Variants in DPP10 observed in about 807,000 individuals in gnomAD.
DPP10 encodes the protein inactive dipeptidyl peptidase 10.
A neutral mutation model predicts 120.9 loss-of-function variants in DPP10; 33 were observed. The ratio of observed to expected loss-of-function variants is 0.27; its 90% CI spans 0.21 to 0.37. The LOEUF is 0.37. Ranked by LOEUF, DPP10 falls within the 10% of genes least tolerant of loss-of-function variation. The pLI, the probability that DPP10 is intolerant of heterozygous loss-of-function variation, is 1.00. For synonymous variants in DPP10, 337 were observed against 326.1 expected (o/e 1.03, Z -0.36); for missense variants, 816 against 942.8 (o/e 0.87, Z 1.76).
chr2:114,776,237 C>A (rs1681725187), intron 1 of DPP10, among the ~76,000 whole-genome samples: 1 of 152,144 alleles, frequency 6.6e-6, no homozygotes, highest in African/African-American at 2.4e-5. Flanking sequence ...AGAACACAAA[C>A]AAACCTCCAT....
intron 1 of DPP10, among the ~76,000 whole-genome samples, chr2:114,622,450 A>G (rs912600187): frequency 1.5e-4 from 22 of 148,908 alleles, no homozygotes; most frequent in African/African-American, 4.7e-4. Context: ...AATTGCCTCC[A>G]TGATTGCTAT....
chr2:114,914,325 G>T (rs1030814176), intron 1 of DPP10, among the ~76,000 whole-genome samples: 1 of 152,138 alleles, frequency 6.6e-6, no homozygotes, highest in Non-Finnish European at 1.5e-5. Flanking sequence ...GGCAGATCAC[G>T]TACAAAGGGA....
chr2:115,150,637 T>G (rs2051487608), intron 1 of DPP10, among the ~76,000 whole-genome samples: 1 of 152,232 alleles, frequency 6.6e-6, no homozygotes, highest in South Asian at 2.1e-4. Context: ...TTTGTCTTAT[T>G]CTACTATCAC....
intron 3 of DPP10, among the ~76,000 whole-genome samples, chr2:115,494,086 C>A (rs964469780): frequency 2.0e-5 from 3 of 151,976 alleles, no homozygotes; most frequent in Non-Finnish European, 4.4e-5. Flanking sequence ...GTAGCTGGGA[C>A]TACAGGTGTG....
At chr2:115,320,341 A>G (rs1360775596) in intron 2 of DPP10, among the ~76,000 whole-genome samples, 2 of 152,100 alleles carry the variant, frequency 1.3e-5, no homozygotes, top group Admixed American at 1.3e-4. Context: ...ATTTATTTAC[A>G]TTTAATTTCT....
intron 1 of DPP10, among the ~76,000 whole-genome samples, chr2:115,193,822 C>T (rs554242603): frequency 6.6e-6 from 1 of 152,204 alleles, no homozygotes; most frequent in Admixed American, 6.5e-5. Context: ...GTCTTTTTCC[C>T]TCAATCACCC....
chr2:114,497,755 A>G (rs780391588), intron 1 of DPP10, among the ~76,000 whole-genome samples: 4 of 152,184 alleles, frequency 2.6e-5, no homozygotes, highest in Non-Finnish European at 5.9e-5. Context: ...GGTCTGTTTA[A>G]CAACAAAGGA....
intron 1 of DPP10, among the ~76,000 whole-genome samples, chr2:115,179,783 T>A (rs1380878277): frequency 1.3e-5 from 2 of 152,146 alleles, no homozygotes; most frequent in African/African-American, 4.8e-5. Context: ...CAAGTAGTAA[T>A]GGAATTTAAC....
At chr2:114,452,120 G>T (rs1209318395) in intron 1 of DPP10, among the ~76,000 whole-genome samples, 1 of 151,990 alleles carries the variant, frequency 6.6e-6, no homozygotes, top group Non-Finnish European at 1.5e-5. Flanking sequence ...TTTAATATTT[G>T]AAAATAATAT....
intron 1 of DPP10, among the ~76,000 whole-genome samples, chr2:115,033,274 G>C (rs1179607135): frequency 1.3e-5 from 2 of 152,130 alleles, no homozygotes; most frequent in Non-Finnish European, 2.9e-5. Flanking sequence ...AACACGATGA[G>C]ATAACGCTTT....
chr2:114,716,156 C>T (rs946737070), intron 1 of DPP10, among the ~76,000 whole-genome samples: 31 of 149,896 alleles, frequency 2.1e-4, no homozygotes, highest in African/African-American at 7.3e-4. Context: ...GACATGAATG[C>T]TAGGAAATAT....
At chr2:115,459,698 T>A (rs1574911859) in intron 3 of DPP10, among the ~76,000 whole-genome samples, 1 of 151,910 alleles carries the variant, frequency 6.6e-6, no homozygotes, top group African/African-American at 2.4e-5. Context: ...ATTGTAAACA[T>A]CAAAATTGTG....
intron 1 of DPP10, among the ~76,000 whole-genome samples, chr2:114,513,778 G>A (rs528292603): frequency 7.7e-4 from 117 of 152,200 alleles, no homozygotes; most frequent in African/African-American, 2.4e-3. Context: ...TTAGGTAAAC[G>A]TATTTTTATA....
At chr2:114,985,593 T>A (rs574955140) in intron 1 of DPP10, among the ~76,000 whole-genome samples, 1 of 152,326 alleles carries the variant, frequency 6.6e-6, no homozygotes, top group East Asian at 1.9e-4. Flanking sequence ...TGAATCAGTG[T>A]CCACAAATGA....
intron 1 of DPP10, among the ~76,000 whole-genome samples, chr2:114,713,717 G>A (rs141745951): frequency 6.6e-6 from 1 of 152,034 alleles, no homozygotes; most frequent in African/African-American, 2.4e-5. Context: ...TTGGCTGGGC[G>A]CAGTGGCTCA....
intron 17 of DPP10, among the ~76,000 whole-genome samples, chr2:115,782,737 T>A (rs1559147851): frequency 6.6e-6 from 1 of 152,128 alleles, no homozygotes; most frequent in South Asian, 2.1e-4. Context: ...CATAAGTTAT[T>A]CCTCCAGAAT....
intron 5 of DPP10, among the ~76,000 whole-genome samples, chr2:115,551,582 C>T (rs981347065): frequency 6.6e-6 from 1 of 152,146 alleles, no homozygotes; most frequent in African/African-American, 2.4e-5. Flanking sequence ...ATTTTTCTTA[C>T]ATTTCTCTTT....
chr2:114,838,471 C>A (rs941588663), intron 1 of DPP10, among the ~76,000 whole-genome samples: 1 of 151,952 alleles, frequency 6.6e-6, no homozygotes, highest in Non-Finnish European at 1.5e-5. Context: ...AGCTACCACG[C>A]CTAGCTAATT....
intron 1 of DPP10, among the ~76,000 whole-genome samples, chr2:114,696,449 C>T (rs1427858592): frequency 6.6e-6 from 1 of 152,016 alleles, no homozygotes; most frequent in African/African-American, 2.4e-5. Context: ...TTCACACCTT[C>T]CATCCGTAAA....
Sources: allele counts gnomAD v4.1 joint callset (sites outside exome capture counted in the v4.1 genomes callset), GRCh38; gene constraint gnomAD v4.1.1; transcripts MANE v1.5; gene names NCBI Gene and HGNC (gene_info 2026-07-23, HGNC 2026-07-21).